Variants in PDCD1 observed in about 807,000 individuals in gnomAD.
The protein encoded by PDCD1 is programmed cell death protein 1.
Under a neutral mutation model 23.6 loss-of-function variants are expected in PDCD1, and 10 were observed. That is an observed-to-expected ratio of 0.42 (90% confidence interval 0.26 to 0.72). PDCD1 has a LOEUF of 0.72. PDCD1 is among the 30% of genes least tolerant of loss of function. The pLI is 0.24. For missense variants in PDCD1, 313 were observed against 397.8 expected (o/e 0.79, Z 1.81); for synonymous variants, 168 against 169.3 (o/e 0.99, Z 0.06).
Position 241,852,779 on chromosome 2 carries a change from C to T in PDCD1, c.278G>A (p.Cys93Tyr), listed in dbSNP as rs1200110201. ...PEDRSQPGQD[C>Y]RFRVTQLPNG... ...GGGCAGTTGTGTGACACGGAAGCGGCAGTCCTGGCCGGGCTGGCTGCGGTC... is the reference window on the plus strand; with the variant it reads ...GGGCAGTTGTGTGACACGGAAGCGGTAGTCCTGGCCGGGCTGGCTGCGGTC... Residue 93 changes from cysteine (C) to tyrosine (Y), a missense_variant, in exon 2 of 5, where the codon TGC becomes TAC. Coordinates refer to ENST00000334409, the MANE Select transcript of PDCD1 (RefSeq NM_005018.3). 6.2e-7 allele frequency: 1 copy of T among 1,613,790 alleles called. No homozygotes were observed. Among genetic ancestry groups the T allele is most frequent in the African/African-American group, 1.3e-5 (1 of 74,930 alleles).
chr2:241,852,265 G>T lies in PDCD1; in HGVS notation c.525C>A (p.Gly175=), dbSNP rs765913429. 1 of 1,611,394 alleles carries T rather than the reference G, an allele frequency of 6.2e-7. No individual in the cohort carries two copies. The highest frequency in any genetic ancestry group is 8.5e-7 in the Non-Finnish European group (1 of 1,179,512). The part of the protein sequence containing the change: ...QFQTLVVGVV[G]GLLGSLVLLV... The stretch of plus-strand genomic sequence containing the variant: ...GCAGCACCAGGCTGCCCAGCAGGCC[G>T]CCCACGACACCAACCACCAGGGTTT... The change falls in exon 3 of 5, where the codon GGC becomes GGA. Residue 175 remains glycine, a synonymous_variant. Coordinates refer to ENST00000334409, the MANE Select transcript of PDCD1 (RefSeq NM_005018.3).
In PDCD1 at chr2:241,852,315, A is replaced by G; in HGVS notation, c.475T>C (p.Ser159Pro). 1 of 1,606,904 alleles carries G rather than the reference A, an allele frequency of 6.2e-7. No homozygotes were observed. The highest frequency in any genetic ancestry group is 8.5e-7 in the Non-Finnish European group (1 of 1,177,244). ...AEVPTAHPSPSPRPAGQFQTL... is the reference protein window; with the variant it reads ...AEVPTAHPSPPPRPAGQFQTL... ...TGGAACTGGCCGGCTGGCCTGGGTG[A>G]GGGGCTGGGGTGGGCTGTGGGCACT... Residue 159 changes from serine to proline, a missense_variant, in exon 3 of 5, where the codon TCA (serine) becomes CCA (proline). Coordinates refer to ENST00000334409, the MANE Select transcript of PDCD1 (RefSeq NM_005018.3).
chr2:241,852,059 C>A (rs1183053330), intron 3 of PDCD1, 76 bp from the exon 4 acceptor site: 1 of 1,478,472 alleles, frequency 6.8e-7, no homozygotes, highest in Non-Finnish European at 9.2e-7. Flanking sequence ...AGTCCAGGGG[C>A]CTTCATCAGG....
At chr2:241,858,271 C>G (rs1701069189) in intron 1 of PDCD1, among the ~76,000 whole-genome samples, 1 of 152,222 alleles carries the variant, frequency 6.6e-6, no homozygotes, top group Non-Finnish European at 1.5e-5. Context: ...AAGGTTAGTC[C>G]CACATGGGGC....
At chr2:241,857,348 C>T (rs41505356) in intron 1 of PDCD1, among the ~76,000 whole-genome samples, 159 of 152,286 alleles carry the variant, frequency 1.0e-3, no homozygotes, top group Middle Eastern at 6.8e-3. Context: ...GGCACAAGCG[C>T]GGGCACCTGA....
At position 241,852,667 on chromosome 2, in the gene PDCD1, G is replaced by A; in HGVS notation, c.390C>T (p.Pro130=). 1 of 1,613,248 alleles carries A rather than the reference G, an allele frequency of 6.2e-7. No homozygotes were observed. The highest frequency in any genetic ancestry group is 8.5e-7 in the Non-Finnish European group (1 of 1,179,876). The change falls in exon 2 of 5, where the codon CCC becomes CCT. Residue 130 remains proline (P), a synonymous_variant. Coordinates refer to ENST00000334409, the MANE Select transcript of PDCD1 (RefSeq NM_005018.3). ...TYLCGAISLA[P]KAQIKESLRA... ...GCAGGCTCTCTTTGATCTGCGCCTT[G>A]GGGGCCAGGGAGATGGCCCCACAGA... is the stretch of plus-strand genomic sequence containing the variant.
At chr2:241,855,281 G>T (rs1026770575) in intron 1 of PDCD1, among the ~76,000 whole-genome samples, 1 of 152,104 alleles carries the variant, frequency 6.6e-6, no homozygotes, top group African/African-American at 2.4e-5. Context: ...CAGTCTCAGA[G>T]ACTGGCTCCC....
Position 241,850,402 on chromosome 2 carries a change from C to G in PDCD1, c.*656G>C. Reference sequence around the variant, plus strand: ...CCGCTTACTGCCTCAGCTTCCCTGCCCCACAAAGGGCCTGAGGTGCTGCCT... The same window carrying G: ...CCGCTTACTGCCTCAGCTTCCCTGCGCCACAAAGGGCCTGAGGTGCTGCCT... On this transcript the variant is annotated 3_prime_UTR_variant, in exon 5 of 5. Transcript: ENST00000334409. The G allele has an allele frequency of 4.2e-6, 1 of 238,326 alleles. No individual in the cohort carries two copies. The highest frequency in any genetic ancestry group is 8.2e-6 in the Non-Finnish European group (1 of 121,328). 14.8% of individuals were successfully genotyped at this position (238,326 alleles called of 1,614,324 possible). A position where few individuals can be genotyped will look rare whatever the true frequency, so the allele number is the denominator to read the frequency against.
At chr2:241,851,352 C>G in intron 4 of PDCD1, 55 bp from the exon 5 acceptor site, 2 of 1,544,108 alleles carry the variant, frequency 1.3e-6, no homozygotes, top group Non-Finnish European at 1.7e-6. Context: ...AGGAAGGAGG[C>G]CCGCGGCTCC....
At chr2:241,855,646 A>G (rs1395133248) in intron 1 of PDCD1, among the ~76,000 whole-genome samples, 2 of 152,186 alleles carry the variant, frequency 1.3e-5, no homozygotes, top group African/African-American at 4.8e-5. Flanking sequence ...ACCGCATTAC[A>G]GGACATTGCT....
chr2:241,857,733 C>T (rs1364891134), intron 1 of PDCD1, among the ~76,000 whole-genome samples: 1 of 152,208 alleles, frequency 6.6e-6, no homozygotes, highest in African/African-American at 2.4e-5. Flanking sequence ...GGGGAACCCC[C>T]AGTCGCCTGC....
chr2:241,854,015 A>G (rs1205081792), intron 1 of PDCD1, among the ~76,000 whole-genome samples: 1 of 152,182 alleles, frequency 6.6e-6, no homozygotes, highest in African/African-American at 2.4e-5. Flanking sequence ...GTGATGACTC[A>G]AGGAGCAACC....
chr2:241,850,699 C>CAGAGAACACAGGCACGGCTGA lies in PDCD1; in HGVS notation c.*358_*359insTCAGCCGTGCCTGTGTTCTCT. 1 of 534,024 alleles carries CAGAGAACACAGGCACGGCTGA rather than the reference C, an allele frequency of 1.9e-6. No homozygotes were observed. The highest frequency in any genetic ancestry group is 3.5e-6 in the Non-Finnish European group (1 of 283,698). The allele number at this position is 534,024 out of a possible 1,614,324, so 33.1% of individuals were successfully genotyped here. On this transcript the variant is annotated 3_prime_UTR_variant, in exon 5 of 5. Transcript: ENST00000334409. ...GGCTCCGGGGCGTCAGGCAGGGCCACGGCGCCTTCAGCCCCGGGCCGCAGG... is the reference window on the plus strand; with the variant it reads ...GGCTCCGGGGCGTCAGGCAGGGCCACAGAGAACACAGGCACGGCTGAGGCGCCTTCAGCCCCGGGCCGCAGG...
In PDCD1 at chr2:241,849,967, C is replaced by G. The variant is rs1046223173; in HGVS notation, c.*1091G>C. ...ATCCCTTGTCCCAGCCACTCAGGTG[C>G]CTGCTGGCCGCCTGGATGCTGGTGG... is the stretch of plus-strand genomic sequence containing the variant. On this transcript the variant is annotated 3_prime_UTR_variant, in exon 5 of 5. Coordinates refer to ENST00000334409, the MANE Select transcript of PDCD1 (RefSeq NM_005018.3). 1 of 214,228 alleles carries G rather than the reference C, an allele frequency of 4.7e-6. No homozygotes were observed. Among genetic ancestry groups the G allele is most frequent in the Non-Finnish European group, 9.4e-6 (1 of 106,032 alleles). The allele number at this position is 214,228 out of a possible 1,614,324, so 13.3% of individuals were successfully genotyped here. A position where few individuals can be genotyped will look rare whatever the true frequency, so the allele number is the denominator to read the frequency against.
intron 4 of PDCD1, 123 bp downstream of exon 4, chr2:241,851,826 G>A (rs1281737056): frequency 2.0e-5 from 20 of 1,001,282 alleles, no homozygotes; most frequent in South Asian, 7.9e-5. Flanking sequence ...GGCTGGGGAG[G>A]TGGGGTCCTG....
rs779377909 is a variant in PDCD1, at chr2:241,851,009, C to T, written c.*49G>A. On this transcript the variant is annotated 3_prime_UTR_variant, in exon 5 of 5. Transcript: ENST00000334409. The stretch of plus-strand genomic sequence containing the variant: ...CTTCTCCTGAGGAAATGCGCTGACC[C>T]GGGCTCATGGTGGAGGGTCTGCAGA... The T allele has an allele frequency of 3.6e-4, 573 of 1,575,078 alleles. 2 individuals are homozygous for T. The highest frequency in any genetic ancestry group is 4.2e-4 in the Middle Eastern group (2 of 4,742).
intron 4 of PDCD1, 80 bp downstream of exon 4, chr2:241,851,869 T>G: frequency 2.3e-6 from 3 of 1,332,578 alleles, no homozygotes; most frequent in South Asian, 2.3e-5. Flanking sequence ...GCAGGCCGTG[T>G]GGTCCCAGCC....
chr2:241,858,894 C>A lies in PDCD1; in HGVS notation c.-56G>T. On this transcript the variant is annotated 5_prime_UTR_variant, in exon 1 of 5. Coordinates refer to ENST00000334409, the MANE Select transcript of PDCD1 (RefSeq NM_005018.3). ...TCTCCACTGCTCAGGCGGAGGTGAG[C>A]GGAAGGGAAACTGTCCCAGGTCAGG... The A allele has an allele frequency of 6.8e-7, 1 of 1,467,224 alleles. No individual in the cohort carries two copies. The allele number at this position is 1,467,224 out of a possible 1,614,324, so 90.9% of individuals were successfully genotyped here.
chr2:241,855,177 C>T (rs759029837), intron 1 of PDCD1, among the ~76,000 whole-genome samples: 4 of 152,006 alleles, frequency 2.6e-5, no homozygotes, highest in East Asian at 1.9e-4. Flanking sequence ...CTGGGCCCCT[C>T]GGCCTCCCCT....
Sources: allele counts gnomAD v4.1 joint callset (sites outside exome capture counted in the v4.1 genomes callset), GRCh38; gene constraint gnomAD v4.1.1; transcripts MANE v1.5; gene names NCBI Gene and HGNC (gene_info 2026-07-23, HGNC 2026-07-21).